TDRKH: variants seen among roughly 807,000 people sequenced by gnomAD.
TDRKH encodes the protein tudor and KH domain-containing protein.
TDRKH carries 28 observed loss-of-function variants against 61.3 expected under a neutral mutation model. The observed-to-expected ratio is 0.46, with a 90% CI of 0.34 to 0.63. The LOEUF (loss-of-function observed/expected upper bound fraction) is 0.63. Ranked by LOEUF, TDRKH falls within the 20% of genes least tolerant of loss-of-function variation. The probability of loss-of-function intolerance (pLI) is 0.01; values close to 1 mark genes in which losing one functional copy is unlikely to be tolerated. For missense variants in TDRKH, 540 were observed against 683.4 expected (o/e 0.79, Z 2.34); for synonymous variants, 219 against 244.4 (o/e 0.90, Z 0.97).
chr1:151,785,933 G>C (rs1650270883), intron 1 of TDRKH, among the ~76,000 whole-genome samples: 1 of 152,114 alleles, frequency 6.6e-6, no homozygotes, highest in African/African-American at 2.4e-5. Context: ...AAGCAAGCTG[G>C]CTTTAAATAA....
At chr1:151,769,087 C>G (rs1648486963), downstream of TDRKH, among the ~76,000 whole-genome samples, 1 of 151,752 alleles carries the variant, frequency 6.6e-6, no homozygotes, top group South Asian at 2.1e-4. Context: ...CAGCAACAAT[C>G]TGATTTCTCT....
downstream of TDRKH, chr1:151,766,665 C>A: frequency 3.2e-6 from 5 of 1,548,798 alleles, no homozygotes; most frequent in South Asian, 4.8e-5. Flanking sequence ...GTTGCCTAAA[C>A]CTCTGCCACC....
At chr1:151,788,646 T>C (rs1650581329) in intron 1 of TDRKH, among the ~76,000 whole-genome samples, 1 of 152,198 alleles carries the variant, frequency 6.6e-6, no homozygotes. Context: ...AAAGGATTGA[T>C]CTAAGATCAC....
downstream of TDRKH, chr1:151,768,210 C>T: frequency 6.2e-7 from 1 of 1,613,252 alleles, no homozygotes; most frequent in Non-Finnish European, 8.5e-7. Flanking sequence ...CATATCAGGC[C>T]TTGGATCAAG....
At chr1:151,768,131 G>A (rs1046149376), downstream of TDRKH, 6 of 1,613,886 alleles carry the variant, frequency 3.7e-6, no homozygotes, top group Middle Eastern at 1.6e-4. Flanking sequence ...TTTCACTTCC[G>A]CCTTACCTCC....
intron 6 of TDRKH, among the ~76,000 whole-genome samples, chr1:151,777,687 T>C (rs1649324391): frequency 6.6e-6 from 1 of 151,736 alleles, no homozygotes. Flanking sequence ...TTGGGTAATC[T>C]AAGCCAGTAT....
At chr1:151,790,104 T>C (rs1052989748) in intron 1 of TDRKH, among the ~76,000 whole-genome samples, 1 of 152,200 alleles carries the variant, frequency 6.6e-6, no homozygotes, top group African/African-American at 2.4e-5. Context: ...TGGAAGAGTC[T>C]GAACTGACTC....
rs748413123 is a variant in TDRKH at position 151,774,749 on chromosome 1, C to T, written c.1594G>A (p.Gly532Arg). Residue 532 changes from glycine (G) to arginine (R), a missense_variant, in exon 12 of 13, where the codon GGA (glycine) becomes AGA (arginine). Physicochemically the swap from Gly to Arg is moderately radical, Grantham distance 125 (BLOSUM62 -2). Around this residue, in one of 3 missense-constraint regions of TDRKH, gnomAD observed 379 missense variants for 443.8 expected, o/e 0.85. Coordinates refer to ENST00000368824, the MANE Select transcript of TDRKH (RefSeq NM_001083965.2). ...CAGGACAGGGTATGTGTTATCTCTC[C>T]AGAGCTCTTTTTGGTCTCAGTGAGC... ...TLLTETKKSS[G>R]EITHTLSCLS... The T allele has an allele frequency of 1.9e-6, 3 of 1,614,118 alleles. No homozygotes were observed. The Admixed American group carries it at 5.0e-5, about 27-fold the overall frequency.
In TDRKH at chr1:151,775,098, T is replaced by G. The variant is rs763362924; in HGVS notation, c.1503A>C (p.Glu501Asp). The G allele has an allele frequency of 3.1e-6, 5 of 1,614,066 alleles. No individual in the cohort carries two copies. The highest frequency in any genetic ancestry group is 4.2e-6 in the Non-Finnish European group (5 of 1,180,034). Residue 501 changes from glutamate to aspartate, a missense_variant, in exon 11 of 13, where the codon GAA (glutamate) becomes GAC (aspartate). Physicochemically the swap from Glu to Asp is conservative, Grantham distance 45. Around this residue, in one of 3 missense-constraint regions of TDRKH, gnomAD observed 379 missense variants for 443.8 expected, o/e 0.85. Transcript: ENST00000368824. Reference protein sequence around the residue: ...YAIELPEDIEENRAVPDMLKD... With the variant: ...YAIELPEDIEDNRAVPDMLKD... ...TCAACATGTCTGGGACAGCTCTGTT[T>G]TCTTCTATGTCTTCAGGAAGCTCAA...
intron 1 of TDRKH, among the ~76,000 whole-genome samples, chr1:151,788,617 A>G (rs1458511641): frequency 6.6e-6 from 1 of 152,240 alleles, no homozygotes; most frequent in African/African-American, 2.4e-5. Context: ...AATTTGGGAA[A>G]CTGCGGCTAA....
In TDRKH at chr1:151,774,329, T is replaced by TG. The variant is rs1372682246; in HGVS notation, c.*122dup. On this transcript the variant is annotated 3_prime_UTR_variant, in exon 13 of 13. Transcript: ENST00000368824. Reference sequence around the variant, plus strand: ...CAGAGAAGTATATTAAGACAGGGCATGGGAAAGAGGGAATCAAAGCAAGTG... The same window carrying TG: ...CAGAGAAGTATATTAAGACAGGGCATGGGGAAAGAGGGAATCAAAGCAAGTG... The TG allele has an allele frequency of 1.1e-6, 1 of 948,534 alleles. No individual in the cohort carries two copies. The highest frequency in any genetic ancestry group is 2.6e-5 in the East Asian group (1 of 38,264). 58.8% of individuals were successfully genotyped at this position (948,534 alleles called of 1,614,324 possible).
chr1:151,779,847 C>T (rs1312811783), intron 4 of TDRKH, 104 bp downstream of exon 4: 35 of 1,244,174 alleles, frequency 2.8e-5, no homozygotes, highest in Non-Finnish European at 3.8e-5. Flanking sequence ...TTTTTCCCCT[C>T]ACATGGTGAA....
chr1:151,784,933 GTT>G (rs377380901), intron 1 of TDRKH, among the ~76,000 whole-genome samples: 32 of 126,438 alleles, frequency 2.5e-4, no homozygotes, highest in South Asian at 5.2e-4. Context: ...ATGGCAATTC[GTT>G]TTTTTTTTTT....
chr1:151,775,340 G>A, intron 10 of TDRKH, 52 bp downstream of exon 10: 1 of 1,575,904 alleles, frequency 6.3e-7, no homozygotes. Context: ...AAGTAAATTA[G>A]GCTATAAATA....
downstream of TDRKH, chr1:151,770,288 G>T (rs1466502320): frequency 6.2e-7 from 1 of 1,603,530 alleles, no homozygotes; most frequent in Admixed American, 1.7e-5. Context: ...CTTGCTTTTC[G>T]CGCTGAGGCA....
At chr1:151,788,127 G>A (rs1650522548) in intron 1 of TDRKH, among the ~76,000 whole-genome samples, 2 of 152,182 alleles carry the variant, frequency 1.3e-5, no homozygotes, top group Non-Finnish European at 2.9e-5. Context: ...AATAACGAAG[G>A]GAGGGACAAC....
Position 151,774,500 on chromosome 1 carries a change from A to G in TDRKH, c.1638T>C (p.Ala546=). The change falls in exon 13 of 13, where the codon GCT becomes GCC. Residue 546 remains alanine, a synonymous_variant. Coordinates refer to ENST00000368824, the MANE Select transcript of TDRKH (RefSeq NM_001083965.2). ...GGTTATCATCACCAGACATGGAAGCAGCTTCTATTGAAGATAAATAAGAAG... is the reference window on the plus strand; with the variant it reads ...GGTTATCATCACCAGACATGGAAGCGGCTTCTATTGAAGATAAATAAGAAG... The part of the protein sequence containing the change: ...HTLSCLSLSE[A]ASMSGDDNLE... The G allele has an allele frequency of 6.2e-7, 1 of 1,614,180 alleles. No individual in the cohort carries two copies. The highest frequency in any genetic ancestry group is 1.3e-5 in the African/African-American group (1 of 75,060).
At position 151,781,446 on chromosome 1, in the gene TDRKH, C is replaced by T. The variant is rs753829987; in HGVS notation, c.231+35G>A. 24 of 1,580,708 alleles carry T rather than the reference C, an allele frequency of 1.5e-5. No homozygotes were observed. The South Asian group carries it at 2.6e-4, about 17-fold the overall frequency. On this transcript the variant is annotated intron_variant, in intron 3 of 12. Coordinates refer to ENST00000368824, the MANE Select transcript of TDRKH (RefSeq NM_001083965.2). ...CAAGAAATCAATAAACAGAATCAAT[C>T]CTTGGGAAAGCAGACTGCCTACTCA... is the stretch of plus-strand genomic sequence containing the variant.
intron 1 of TDRKH, 57 bp from the exon 2 acceptor site, chr1:151,783,106 G>A: frequency 6.6e-7 from 1 of 1,518,840 alleles, no homozygotes; most frequent in Non-Finnish European, 8.9e-7. Context: ...TTTATGAATA[G>A]CAGAGAGGCA....
Sources: allele counts gnomAD v4.1 joint callset (sites outside exome capture counted in the v4.1 genomes callset), GRCh38; gene constraint gnomAD v4.1.1; regional missense constraint gnomAD v4.1.1; transcripts MANE v1.5; gene names NCBI Gene and HGNC (gene_info 2026-07-23, HGNC 2026-07-21).